The following PTPRG variants were observed in gnomAD, a reference collection of about 807,000 sequenced individuals.
PTPRG encodes receptor-type tyrosine-protein phosphatase gamma.
Under a neutral mutation model 165.3 loss-of-function variants are expected in PTPRG, and 102 were observed. The ratio of observed to expected loss-of-function variants is 0.62; its 90% CI spans 0.53 to 0.73. PTPRG has a LOEUF of 0.73. PTPRG is among the 30% of genes least tolerant of loss of function. The pLI is 0.00. For synonymous variants in PTPRG, 675 were observed against 669.5 expected (o/e 1.01, Z -0.13); for missense variants, 1,866 against 1,861.4 (o/e 1.00, Z -0.05).
At chr3:62,063,116 T>C (rs929728480) in intron 4 of PTPRG, among the ~76,000 whole-genome samples, 17 of 152,238 alleles carry the variant, frequency 1.1e-4, no homozygotes, top group Non-Finnish European at 1.9e-4. Flanking sequence ...CCCAGAATAA[T>C]TAAATGATTT....
chr3:61,605,399 G>A (rs1304970087), intron 1 of PTPRG, among the ~76,000 whole-genome samples: 1 of 151,764 alleles, frequency 6.6e-6, no homozygotes, highest in African/African-American at 2.4e-5. Context: ...GGGATTACAG[G>A]TGCACACCAC....
At chr3:61,770,190 T>C (rs1345746111) in intron 2 of PTPRG, 5 of 152,180 alleles carry the variant, frequency 3.3e-5, no homozygotes, top group Non-Finnish European at 7.3e-5. Flanking sequence ...GTAGCTCAGA[T>C]TGAAAATGAC....
chr3:62,262,980 G>A, intron 17 of PTPRG, 86 bp downstream of exon 17: 1 of 939,432 alleles, frequency 1.1e-6, no homozygotes, highest in South Asian at 1.5e-5. Context: ...GCAGTCAGAA[G>A]CAGGATGCCA....
chr3:61,959,506 T>A (rs1386855190), intron 2 of PTPRG, among the ~76,000 whole-genome samples: 1 of 152,226 alleles, frequency 6.6e-6, no homozygotes, highest in Non-Finnish European at 1.5e-5. Context: ...AATGTAATGC[T>A]GCCGCTGACC....
chr3:62,114,164 T>G (rs1343193816), intron 5 of PTPRG, among the ~76,000 whole-genome samples: 2 of 152,092 alleles, frequency 1.3e-5, no homozygotes, highest in African/African-American at 2.4e-5. Context: ...CTGGACATGG[T>G]GGCACCTGCC....
chr3:61,728,103 C>T (rs889199273), intron 1 of PTPRG, among the ~76,000 whole-genome samples: 1 of 152,122 alleles, frequency 6.6e-6, no homozygotes, highest in Non-Finnish European at 1.5e-5. Flanking sequence ...CTCAAATTTG[C>T]CTAGCGTGCT....
chr3:62,129,278 T>C (rs1703426299), intron 5 of PTPRG, among the ~76,000 whole-genome samples: 1 of 152,182 alleles, frequency 6.6e-6, no homozygotes, highest in Non-Finnish European at 1.5e-5. Context: ...CCTACAAATA[T>C]TATTGGTGTG....
intron 9 of PTPRG, among the ~76,000 whole-genome samples, chr3:62,193,300 T>G (rs1699884225): frequency 6.6e-6 from 1 of 152,224 alleles, no homozygotes; most frequent in East Asian, 1.9e-4. Context: ...AGTGAAGATT[T>G]CGCTCTGAAC....
At position 62,027,426 on chromosome 3, in the gene PTPRG, C is replaced by G. The variant is rs1048669671; in HGVS notation, c.519+23929C>G. Among the ~76,000 whole-genome samples, 21 of 152,116 alleles carry G rather than the reference C, an allele frequency of 1.4e-4. No individual in the cohort carries two copies. In the South Asian group the frequency reaches 3.9e-3, roughly 29 times the overall value. Reference sequence around the variant, plus strand: ...TGCATTCCTCCTGCCACCCCACCATCCCCTGAAAAATGCAGTGGGCTGTGT... The same window carrying G: ...TGCATTCCTCCTGCCACCCCACCATGCCCTGAAAAATGCAGTGGGCTGTGT... On this transcript the variant is annotated intron_variant, in intron 4 of 29. Coordinates refer to ENST00000474889, the MANE Select transcript of PTPRG (RefSeq NM_002841.4).
At chr3:61,830,093 T>C (rs1028222000) in intron 2 of PTPRG, among the ~76,000 whole-genome samples, 9 of 152,202 alleles carry the variant, frequency 5.9e-5, no homozygotes, top group African/African-American at 2.2e-4. Flanking sequence ...CCTTAAAAGT[T>C]AGATTTACAT....
chr3:61,594,749 G>A (rs572193366), intron 1 of PTPRG, among the ~76,000 whole-genome samples: 8 of 152,252 alleles, frequency 5.3e-5, no homozygotes, highest in African/African-American at 1.7e-4. Flanking sequence ...TTGCATGTTG[G>A]TAATTTATAT....
intron 1 of PTPRG, among the ~76,000 whole-genome samples, chr3:61,691,229 A>G (rs759160088): frequency 1.3e-5 from 2 of 152,128 alleles, no homozygotes; most frequent in South Asian, 2.1e-4. Context: ...CCTGGGCAAC[A>G]TAGAGAGACC....
chr3:62,282,904 C>G, intron 28 of PTPRG, 35 bp downstream of exon 28: 1 of 1,557,552 alleles, frequency 6.4e-7, no homozygotes, highest in Non-Finnish European at 8.7e-7. Context: ...AAATGTAGAC[C>G]GTTTTTTTGT....
At chr3:62,024,444 G>T (rs771148187) in intron 4 of PTPRG, among the ~76,000 whole-genome samples, 7 of 152,144 alleles carry the variant, frequency 4.6e-5, no homozygotes, top group Non-Finnish European at 7.3e-5. Context: ...TTAATGCCAG[G>T]TAACTTCAAA....
intron 5 of PTPRG, chr3:62,118,577 A>G (rs1241494774): frequency 6.6e-6 from 1 of 152,224 alleles, no homozygotes; most frequent in African/African-American, 2.4e-5. Flanking sequence ...CTCGTTAATA[A>G]TGACGACTAT....
chr3:61,720,529 G>T (rs553208046), intron 1 of PTPRG, among the ~76,000 whole-genome samples: 5 of 152,154 alleles, frequency 3.3e-5, no homozygotes, highest in Non-Finnish European at 5.9e-5. Flanking sequence ...ACACAGCCAT[G>T]TAACCAACTC....
At chr3:61,802,426 C>G (rs370285585) in intron 2 of PTPRG, among the ~76,000 whole-genome samples, 154 of 152,124 alleles carry the variant, frequency 1.0e-3, no homozygotes, top group African/African-American at 3.6e-3. Flanking sequence ...GGATTCTGGC[C>G]CTGTTAGATA....
chr3:61,777,119 C>G (rs761607805), intron 2 of PTPRG, among the ~76,000 whole-genome samples: 2 of 152,144 alleles, frequency 1.3e-5, no homozygotes, highest in Non-Finnish European at 2.9e-5. Context: ...TCAGAAATGA[C>G]ATTTCTCTTA....
intron 1 of PTPRG, among the ~76,000 whole-genome samples, chr3:61,662,962 T>C (rs2365936): frequency 0.18 from 26,998 of 152,042 alleles, 2,514 homozygotes; most frequent in African/African-American, 0.22. Context: ...GCTTCCGATA[T>C]GACTGTTTTC....
Sources: allele counts gnomAD v4.1 joint callset (sites outside exome capture counted in the v4.1 genomes callset), GRCh38; gene constraint gnomAD v4.1.1; transcripts MANE v1.5; gene names NCBI Gene and HGNC (gene_info 2026-07-23, HGNC 2026-07-21).